Variants in STAC observed in about 807,000 individuals in gnomAD.
The protein encoded by STAC is SH3 and cysteine rich domain.
In STAC, 43 loss-of-function variants were observed where a neutral mutation model predicts 48.8. That is an observed-to-expected ratio of 0.88 (90% CI 0.69 to 1.14). The LOEUF (loss-of-function observed/expected upper bound fraction) is 1.14. Among genes scored for constraint, STAC ranks in the 50% most tolerant of loss-of-function variants. The pLI is 0.00. For missense variants in STAC, 497 were observed against 504.0 expected (o/e 0.99, Z 0.13); for synonymous variants, 193 against 179.5 (o/e 1.07, Z -0.60).
chr3:36,395,850 A>G (rs553131509), intron 1 of STAC, among the ~76,000 whole-genome samples: 39 of 152,274 alleles, frequency 2.6e-4, no homozygotes, highest in African/African-American at 8.7e-4. Flanking sequence ...TCATGTAGCA[A>G]GAAGATAGCA....
At chr3:36,462,506 G>A (rs191118816) in intron 2 of STAC, among the ~76,000 whole-genome samples, 2 of 152,262 alleles carry the variant, frequency 1.3e-5, no homozygotes, top group Admixed American at 1.3e-4. Context: ...TATAGACAGA[G>A]AAGAGGACCA....
chr3:36,382,890 C>T (rs1699541268), intron 1 of STAC, among the ~76,000 whole-genome samples: 1 of 152,178 alleles, frequency 6.6e-6, no homozygotes, highest in African/African-American at 2.4e-5. Flanking sequence ...ATATGCATTC[C>T]ATCTTACTCT....
intron 1 of STAC, among the ~76,000 whole-genome samples, chr3:36,427,339 C>T (rs1446548697): frequency 6.6e-6 from 1 of 152,168 alleles, no homozygotes; most frequent in Non-Finnish European, 1.5e-5. Context: ...TGCAAGTTCT[C>T]CTCCAACCAG....
chr3:36,485,627 T>C (rs1167973725), intron 4 of STAC: 2 of 152,838 alleles, frequency 1.3e-5, no homozygotes, highest in Admixed American at 6.5e-5. Flanking sequence ...ATTATTTTTT[T>C]TCTCTCTCTG....
chr3:36,476,591 T>C (rs993685920), intron 2 of STAC, among the ~76,000 whole-genome samples: 8 of 152,218 alleles, frequency 5.3e-5, no homozygotes, highest in Middle Eastern at 3.2e-3. Context: ...GTGATCTCCA[T>C]GTGATTCTGT....
At chr3:36,415,478 T>C (rs1700299435) in intron 1 of STAC, among the ~76,000 whole-genome samples, 1 of 152,224 alleles carries the variant, frequency 6.6e-6, no homozygotes, top group Non-Finnish European at 1.5e-5. Flanking sequence ...GGTGTGCTGT[T>C]TGCTAAGACC....
At chr3:36,410,651 A>G (rs73059938) in intron 1 of STAC, among the ~76,000 whole-genome samples, 3,536 of 152,292 alleles carry the variant, frequency 0.023, 60 homozygotes, top group East Asian at 0.026. Flanking sequence ...TTTGCTGTCT[A>G]TATTAAATAA....
intron 8 of STAC, among the ~76,000 whole-genome samples, chr3:36,513,110 C>T (rs1233688401): frequency 1.3e-5 from 2 of 152,136 alleles, no homozygotes; most frequent in East Asian, 1.9e-4. Flanking sequence ...CTGGCAAAGA[C>T]AGCAGTTGTC....
chr3:36,506,827 A>G (rs564184093), intron 8 of STAC, among the ~76,000 whole-genome samples: 287 of 152,252 alleles, frequency 1.9e-3, no homozygotes, highest in African/African-American at 6.5e-3. Context: ...ATTTTGGGCT[A>G]AGATGATGGG....
Position 36,485,076 on chromosome 3 carries a change from T to C in STAC, c.571+18T>C, listed in dbSNP as rs371869689. 109 of 1,586,870 alleles carry C rather than the reference T, an allele frequency of 6.9e-5. No homozygotes were observed. The African/African-American group carries it at 1.4e-3, about 20-fold the overall frequency. ...GCCCATTGGTGAGTTGGGACATTGA[T>C]GGGTTGAGTTGAGTTTGAAGCAGCA... On this transcript the variant is annotated intron_variant, in intron 4 of 10. Transcript: ENST00000273183.
chr3:36,395,069 C>T (rs1242969764), intron 1 of STAC, among the ~76,000 whole-genome samples: 1 of 151,370 alleles, frequency 6.6e-6, no homozygotes, highest in African/African-American at 2.4e-5. Flanking sequence ...ATCCAAGAAG[C>T]CCTGTGCAAA....
chr3:36,484,202 GT>G, intron 3 of STAC, among the ~76,000 whole-genome samples: 1 of 152,230 alleles, frequency 6.6e-6, no homozygotes, highest in East Asian at 1.9e-4. Flanking sequence ...TGCTTCCAGG[GT>G]TAGTGAATGC....
intron 2 of STAC, among the ~76,000 whole-genome samples, chr3:36,481,036 G>T (rs985155992): frequency 6.6e-6 from 1 of 152,208 alleles, no homozygotes; most frequent in African/African-American, 2.4e-5. Flanking sequence ...TTAGACAGGG[G>T]TGGGAAATGT....
At chr3:36,407,297 A>G (rs775519401) in intron 1 of STAC, among the ~76,000 whole-genome samples, 19 of 152,218 alleles carry the variant, frequency 1.2e-4, no homozygotes, top group Non-Finnish European at 1.9e-4. Context: ...ATAAACCTTT[A>G]GCACCTGCCA....
chr3:36,485,002 GC>G lies in STAC; in HGVS notation c.516del (p.Ser173ProfsTer77). The G allele has an allele frequency of 6.2e-7, 1 of 1,602,924 alleles. No individual in the cohort carries two copies. The highest frequency in any genetic ancestry group is 8.5e-7 in the Non-Finnish European group (1 of 1,174,812). ...KLPKGFRRYYSSPLLIHEQFG... is the reference protein window; with the variant it reads ...KLPKGFRRYYXSPLLIHEQFG... ...CCAAAGGGGTTTCGGCGTTACTACA[GC>G]TCCCCCTTGCTCATTCATGAACAGT... On this transcript the variant is annotated frameshift_variant, in exon 4 of 11. Transcript: ENST00000273183. LOFTEE classifies it high-confidence loss of function.
At chr3:36,509,176 A>C (rs1698475645) in intron 8 of STAC, among the ~76,000 whole-genome samples, 1 of 152,136 alleles carries the variant, frequency 6.6e-6, no homozygotes, top group African/African-American at 2.4e-5. Context: ...TCACTTATGA[A>C]GTTTAGTTTG....
At position 36,546,100 on chromosome 3, in the gene STAC, A is replaced by C. The variant is rs989517608; in HGVS notation, c.1111-91A>C. On this transcript the variant is annotated intron_variant, in intron 10 of 10. Coordinates refer to ENST00000273183, the MANE Select transcript of STAC (RefSeq NM_003149.3). The stretch of plus-strand genomic sequence containing the variant: ...CCCTTTTCCAGTTTGTTGCTCCTGC[A>C]ACCTCAGTCAGCAGGGATTCAAGCT... 15 of 1,030,686 alleles carry C rather than the reference A, an allele frequency of 1.5e-5. No individual in the cohort carries two copies. The African/African-American group carries it at 2.4e-4, about 16-fold the overall frequency. 63.8% of individuals were successfully genotyped at this position (1,030,686 alleles called of 1,614,324 possible).
intron 2 of STAC, among the ~76,000 whole-genome samples, chr3:36,467,481 T>A (rs975506051): frequency 6.6e-6 from 1 of 152,142 alleles, no homozygotes; most frequent in Non-Finnish European, 1.5e-5. Flanking sequence ...TCTGGACTTT[T>A]TTTGTTGGCA....
At chr3:36,537,475 T>C (rs748840014) in intron 10 of STAC, among the ~76,000 whole-genome samples, 1 of 152,078 alleles carries the variant, frequency 6.6e-6, no homozygotes, top group Non-Finnish European at 1.5e-5. Context: ...TTCTCAGTCA[T>C]AAATGGGAGC....
Sources: allele counts gnomAD v4.1 joint callset (sites outside exome capture counted in the v4.1 genomes callset), GRCh38; gene constraint gnomAD v4.1.1; transcripts MANE v1.5; gene names NCBI Gene and HGNC (gene_info 2026-07-23, HGNC 2026-07-21).